The following IL1RAPL1 variants were observed in gnomAD, a reference collection of about 807,000 sequenced individuals.
IL1RAPL1 encodes interleukin-1 receptor accessory protein-like 1.
Under a neutral mutation model 48.4 loss-of-function variants are expected in IL1RAPL1, and 3 were observed. The ratio of observed to expected loss-of-function variants is 0.06; its 90% CI spans 0.03 to 0.16. IL1RAPL1 has a LOEUF of 0.16. Ranked by LOEUF, IL1RAPL1 falls within the 10% of genes least tolerant of loss-of-function variation. The pLI, the probability that IL1RAPL1 is intolerant of heterozygous loss-of-function variation, is 1.00. For missense variants in IL1RAPL1, 349 were observed against 530.6 expected, an observed-to-expected ratio of 0.66 and a Z score of 3.36; for synonymous variants, 185 against 187.7, an observed-to-expected ratio of 0.99 and a Z score of 0.12.
At chrX:29,260,161 A>T (rs748845094) in intron 2 of IL1RAPL1, among the ~76,000 whole-genome samples, 1 of 112,517 alleles carries the variant, frequency 8.9e-6, no homozygotes, top group African/African-American at 3.2e-5. Flanking sequence ...TGTTGGGGAT[A>T]ATTTATTTTA....
chrX:29,420,976 A>C (rs1934283866), intron 5 of IL1RAPL1, among the ~76,000 whole-genome samples: 1 of 112,196 alleles, frequency 8.9e-6, no homozygotes, highest in Non-Finnish European at 1.9e-5. Flanking sequence ...AGTCAGCACA[A>C]AATTTATTCT....
chrX:29,293,602 A>T (rs1438422507), intron 3 of IL1RAPL1, among the ~76,000 whole-genome samples: 1 of 111,634 alleles, frequency 9.0e-6, no homozygotes, highest in Non-Finnish European at 1.9e-5. Flanking sequence ...ATGAATCACC[A>T]TAGGCCCTTT....
At chrX:29,296,061 A>G (rs1932445331) in intron 3 of IL1RAPL1, among the ~76,000 whole-genome samples, 1 of 112,040 alleles carries the variant, frequency 8.9e-6, no homozygotes, top group Non-Finnish European at 1.9e-5. Flanking sequence ...GTGCTCTCAG[A>G]AAAAAACCTG....
At chrX:29,599,450 A>C (rs969771473) in intron 5 of IL1RAPL1, among the ~76,000 whole-genome samples, 4 of 111,806 alleles carry the variant, frequency 3.6e-5, no homozygotes, top group African/African-American at 1.3e-4. Context: ...AGCTCGTAAG[A>C]TTCTTTCCTT....
In IL1RAPL1 at chrX:29,575,078, ATCT is replaced by A. The variant is rs1922732155; in HGVS notation, c.704-93345_704-93343del. 2.7e-5 allele frequency among the ~76,000 whole-genome samples: 3 copies of A among 111,619 alleles called. No individual in the cohort carries two copies. The Admixed American group carries it at 2.9e-4, about 11-fold the overall frequency. On this transcript the variant is annotated intron_variant, in intron 5 of 10. Transcript: ENST00000378993. ...GTTCCAATCTTTCCCTCAGCTTCCC[ATCT>A]TCTTCTGAGCCCTCCAACTGTTCCA...
intron 5 of IL1RAPL1, among the ~76,000 whole-genome samples, chrX:29,514,488 G>A (rs1373991841): frequency 1.5e-4 from 17 of 112,568 alleles, no homozygotes; most frequent in Admixed American, 1.5e-3. Flanking sequence ...TCACCCTGTC[G>A]CCAAGGCTGG....
intron 2 of IL1RAPL1, among the ~76,000 whole-genome samples, chrX:28,897,296 C>T (rs1239478074): frequency 9.0e-6 from 1 of 111,120 alleles, no homozygotes; most frequent in Admixed American, 9.5e-5. Flanking sequence ...CCTGCGTGGC[C>T]AGAGACCTCT....
chrX:28,885,969 A>G (rs1398780873), intron 2 of IL1RAPL1, among the ~76,000 whole-genome samples: 2 of 111,402 alleles, frequency 1.8e-5, no homozygotes, highest in Non-Finnish European at 3.8e-5. Flanking sequence ...AGTAACAAAA[A>G]TAACTAACAA....
intron 1 of IL1RAPL1, among the ~76,000 whole-genome samples, chrX:28,776,772 A>T (rs924362589): frequency 8.9e-6 from 1 of 111,802 alleles, no homozygotes; most frequent in South Asian, 3.7e-4. Context: ...GATTAATAAG[A>T]TAGTACATAT....
At chrX:29,531,162 A>C (rs187958632) in intron 5 of IL1RAPL1, among the ~76,000 whole-genome samples, 1 of 107,384 alleles carries the variant, frequency 9.3e-6, no homozygotes, top group African/African-American at 3.4e-5. Flanking sequence ...TGGCTTTAAA[A>C]AAATCTGTTT....
chrX:28,658,925 A>G (rs1358590721), intron 1 of IL1RAPL1: 5 of 390,786 alleles, frequency 1.3e-5, no homozygotes, highest in East Asian at 1.2e-4. Context: ...ACTGTCCCCT[A>G]TTTTTCCACT....
intron 5 of IL1RAPL1, among the ~76,000 whole-genome samples, chrX:29,615,148 A>G (rs959333312): frequency 1.8e-4 from 20 of 111,874 alleles, no homozygotes; most frequent in African/African-American, 6.5e-4. Flanking sequence ...ATATAGGTGT[A>G]TATACAAAAA....
At chrX:28,710,259 C>T (rs1935424695) in intron 1 of IL1RAPL1, among the ~76,000 whole-genome samples, 1 of 101,183 alleles carries the variant, frequency 9.9e-6, no homozygotes, top group African/African-American at 3.7e-5. Flanking sequence ...AGACAAGAAA[C>T]AATAAGCAGA....
chrX:29,014,298 C>G (rs1381524953), intron 2 of IL1RAPL1, among the ~76,000 whole-genome samples: 1 of 111,646 alleles, frequency 9.0e-6, no homozygotes, highest in Non-Finnish European at 1.9e-5. Flanking sequence ...TAAATGGTAT[C>G]ATTGTTTACA....
chrX:29,463,889 G>A (rs925097109), intron 5 of IL1RAPL1, among the ~76,000 whole-genome samples: 4 of 111,447 alleles, frequency 3.6e-5, no homozygotes, highest in Admixed American at 1.9e-4. Flanking sequence ...GAGGCCCCGT[G>A]TAGGAATTTC....
chrX:29,127,777 G>A (rs1035993718), intron 2 of IL1RAPL1, among the ~76,000 whole-genome samples: 1 of 110,820 alleles, frequency 9.0e-6, no homozygotes, highest in African/African-American at 3.3e-5. Flanking sequence ...GGTTAAGATG[G>A]TGAAACCCCA....
chrX:29,211,914 A>G (rs1232334123), intron 2 of IL1RAPL1, among the ~76,000 whole-genome samples: 1 of 110,889 alleles, frequency 9.0e-6, no homozygotes. Context: ...CTATACTTAC[A>G]GTCTTATAGT....
chrX:29,250,175 G>A (rs773281329), intron 2 of IL1RAPL1, among the ~76,000 whole-genome samples: 2 of 111,467 alleles, frequency 1.8e-5, no homozygotes, highest in South Asian at 7.4e-4. Flanking sequence ...TTGTTTACTG[G>A]GAATATCACA....
intron 1 of IL1RAPL1, among the ~76,000 whole-genome samples, chrX:28,621,819 A>C (rs1934287531): frequency 1.8e-5 from 2 of 111,902 alleles, no homozygotes; most frequent in Non-Finnish European, 3.8e-5. Context: ...TCTTGAACTT[A>C]CCATATTTCA....
Sources: gnomAD v4.1 joint callset for allele counts (sites outside exome capture counted in the v4.1 genomes callset) on GRCh38, gnomAD v4.1.1 for gene constraint, MANE v1.5 for transcripts, NCBI Gene and HGNC (gene_info 2026-07-23, HGNC 2026-07-21) for gene names.